NINJ1: variants seen among roughly 807,000 people sequenced by gnomAD.
The protein encoded by NINJ1 is ninjurin-1.
In NINJ1, 6 loss-of-function variants were observed where a neutral mutation model predicts 12.7. The ratio of observed to expected loss-of-function variants is 0.47; its 90% CI spans 0.26 to 0.93. The LOEUF is 0.93. Ranked by LOEUF, NINJ1 falls within the 40% of genes least tolerant of loss-of-function variation. The pLI is 0.15. For missense variants in NINJ1, 170 were observed against 213.0 expected (o/e 0.80, Z 1.26); for synonymous variants, 100 against 96.0 (o/e 1.04, Z -0.25).
Position 93,126,509 on chromosome 9 carries a change from C to A in NINJ1, c.205G>T (p.Glu69Ter). 1 of 1,614,174 alleles carries A rather than the reference C, an allele frequency of 6.2e-7. No homozygotes were observed. The highest frequency in any genetic ancestry group is 8.5e-7 in the Non-Finnish European group (1 of 1,180,030). ...ANASQLKAVV[E>*]QGPSFAFYVP... is the part of the protein sequence containing the mutation. ...TAGAAGGCGAAGCTGGGGCCCTGTT[C>A]CACGACGGCCTTCAGCTGGGACGCG... Residue 69 changes from glutamate (E) to a stop codon, truncating the protein, a stop_gained, in exon 2 of 4, where the codon GAA becomes TAA. Coordinates refer to ENST00000375446, the MANE Select transcript of NINJ1 (RefSeq NM_004148.4). LOFTEE classifies it high-confidence loss of function.
intron 3 of NINJ1, 124 bp downstream of exon 3, chr9:93,124,775 C>A (rs746080333): frequency 4.7e-6 from 5 of 1,057,918 alleles, no homozygotes; most frequent in African/African-American, 1.6e-5. Context: ...TAGGTGTGGA[C>A]GAGGATGCCC....
intron 1 of NINJ1, among the ~76,000 whole-genome samples, chr9:93,127,580 A>G (rs568782864): frequency 6.6e-6 from 1 of 152,252 alleles, no homozygotes; most frequent in Admixed American, 6.5e-5. Context: ...CAAGCTAAGT[A>G]CCAAACTTCC....
chr9:93,133,002 A>G (rs547855001), intron 1 of NINJ1, among the ~76,000 whole-genome samples: 1 of 152,354 alleles, frequency 6.6e-6, no homozygotes, highest in South Asian at 2.1e-4. Flanking sequence ...TAAAAGGCCC[A>G]GCGAGGTGTG....
intron 1 of NINJ1, among the ~76,000 whole-genome samples, chr9:93,130,500 G>A (rs549309776): frequency 1.1e-4 from 16 of 152,336 alleles, no homozygotes; most frequent in African/African-American, 2.9e-4. Context: ...CATATCAGTC[G>A]CCCTTTCCAG....
chr9:93,132,479 C>A (rs1827909310), intron 1 of NINJ1, among the ~76,000 whole-genome samples: 1 of 152,246 alleles, frequency 6.6e-6, no homozygotes, highest in Non-Finnish European at 1.5e-5. Flanking sequence ...TTCCACACAT[C>A]TCAGAGAGCC....
chr9:93,132,114 C>A (rs1226753710), intron 1 of NINJ1, among the ~76,000 whole-genome samples: 1 of 152,178 alleles, frequency 6.6e-6, no homozygotes, highest in African/African-American at 2.4e-5. Context: ...CGCGACCACA[C>A]CCATTTCACA....
At chr9:93,129,139 C>T (rs951422813) in intron 1 of NINJ1, among the ~76,000 whole-genome samples, 2 of 151,502 alleles carry the variant, frequency 1.3e-5, no homozygotes, top group East Asian at 3.9e-4. Flanking sequence ...CTGCTGTCCT[C>T]ATGCCCACTT....
chr9:93,132,744 CCCAATCT>C (rs1827914818), intron 1 of NINJ1, among the ~76,000 whole-genome samples: 1 of 152,224 alleles, frequency 6.6e-6, no homozygotes, highest in Non-Finnish European at 1.5e-5. Context: ...ACAAATCCAA[CCCAATCT>C]CCTCTGGGCT....
intron 2 of NINJ1, chr9:93,125,298 A>T: frequency 2.5e-6 from 1 of 392,992 alleles, no homozygotes; most frequent in Non-Finnish European, 4.6e-6. Context: ...CACCTTCTGT[A>T]GCCCCCATAT....
chr9:93,126,730 G>A (rs1370942322), intron 1 of NINJ1, 92 bp from the exon 2 acceptor site: 9 of 960,934 alleles, frequency 9.4e-6, no homozygotes, highest in Non-Finnish European at 1.2e-5. Flanking sequence ...GGCCCTGCAG[G>A]TGAGGGCTTC....
At chr9:93,133,326 G>A (rs1164552367) in intron 1 of NINJ1, among the ~76,000 whole-genome samples, 1 of 152,240 alleles carries the variant, frequency 6.6e-6, no homozygotes, top group Non-Finnish European at 1.5e-5. Flanking sequence ...AACCCAACAG[G>A]CTGCTGTTCC....
At chr9:93,126,099 A>G in intron 2 of NINJ1, 1 of 376,718 alleles carries the variant, frequency 2.7e-6, no homozygotes, top group Non-Finnish European at 4.8e-6. Flanking sequence ...TTGGGGGCTG[A>G]GGTGGGAGGA....
At chr9:93,131,297 C>T (rs1319067948) in intron 1 of NINJ1, among the ~76,000 whole-genome samples, 2 of 152,238 alleles carry the variant, frequency 1.3e-5, no homozygotes, top group East Asian at 1.9e-4. Flanking sequence ...ACCCACTTCC[C>T]GCGGACTCAG....
At position 93,132,611 on chromosome 9, in the gene NINJ1, C is replaced by T. The variant is rs190161193; in HGVS notation, c.75+1532G>A. Among the ~76,000 whole-genome samples the T allele has an allele frequency of 2.5e-3, 382 of 152,352 alleles. 3 individuals are homozygous for T. The highest frequency in any genetic ancestry group is 4.0e-3 in the Non-Finnish European group (275 of 68,028). On this transcript the variant is annotated intron_variant, in intron 1 of 3. Coordinates refer to ENST00000375446, the MANE Select transcript of NINJ1 (RefSeq NM_004148.4). Reference sequence around the variant, plus strand: ...CGATGGGCTCCCAGCCCCCAGGGAACCCCCTGCTTTGCCCTGGCCTCTCCT... The same window carrying T: ...CGATGGGCTCCCAGCCCCCAGGGAATCCCCTGCTTTGCCCTGGCCTCTCCT...
intron 1 of NINJ1, among the ~76,000 whole-genome samples, chr9:93,132,494 C>A (rs1423972191): frequency 6.6e-6 from 1 of 152,240 alleles, no homozygotes; most frequent in Admixed American, 6.5e-5. Context: ...AGAGCCAGAT[C>A]TGCTCACCCA....
In NINJ1 at chr9:93,124,799, G is replaced by T. The variant is rs2130746724; in HGVS notation, c.*9+100C>A. 4 of 1,285,820 alleles carry T rather than the reference G, an allele frequency of 3.1e-6. No individual in the cohort carries two copies. In the East Asian group the frequency reaches 1.0e-4, roughly 32 times the overall value. The allele number at this position is 1,285,820 out of a possible 1,614,324, so 79.7% of individuals were successfully genotyped here. On this transcript the variant is annotated intron_variant, in intron 3 of 3. Coordinates refer to ENST00000375446, the MANE Select transcript of NINJ1 (RefSeq NM_004148.4). ...ACGAGGATGCCCATGGCCTAGGAAG[G>T]TGTCCAAGGCTGGCCGGCCAGGGAC...
At chr9:93,133,799 G>C (rs79379262) in intron 1 of NINJ1, among the ~76,000 whole-genome samples, 1,925 of 145,422 alleles carry the variant, frequency 0.013, 19 homozygotes, top group Non-Finnish European at 0.022. Context: ...GCGCGAGAGT[G>C]GGGGGGAGGT....
At chr9:93,124,323 G>A (rs1827777912) in intron 3 of NINJ1, among the ~76,000 whole-genome samples, 2 of 152,190 alleles carry the variant, frequency 1.3e-5, no homozygotes, top group African/African-American at 4.8e-5. Flanking sequence ...CGCTCAGGCT[G>A]GAGTGCAGTA....
intron 1 of NINJ1, among the ~76,000 whole-genome samples, chr9:93,128,906 G>A (rs1827850958): frequency 6.6e-6 from 1 of 152,210 alleles, no homozygotes; most frequent in Non-Finnish European, 1.5e-5. Flanking sequence ...ACATACATAT[G>A]CACACGTACA....
Sources: gnomAD v4.1 joint callset for allele counts (sites outside exome capture counted in the v4.1 genomes callset) on GRCh38, gnomAD v4.1.1 for gene constraint, MANE v1.5 for transcripts, NCBI Gene and HGNC (gene_info 2026-07-23, HGNC 2026-07-21) for gene names.